Variants in CSPG5 observed in about 807,000 individuals in gnomAD.
The protein encoded by CSPG5 is acidic leucine-rich EGF-like domain-containing brain protein.
In CSPG5, 25 loss-of-function variants were observed where a neutral mutation model predicts 39.8. That is an observed-to-expected ratio of 0.63 (90% CI 0.46 to 0.88). The LOEUF (loss-of-function observed/expected upper bound fraction) is 0.88, where lower values mean the gene tolerates loss of function less well. CSPG5 is among the 40% of genes least tolerant of loss of function. The probability of loss-of-function intolerance (pLI) is 0.00; values close to 1 mark genes in which losing one functional copy is unlikely to be tolerated. For missense variants in CSPG5, 627 were observed against 702.2 expected (o/e 0.89, Z 1.21); for synonymous variants, 295 against 303.9 (o/e 0.97, Z 0.31).
intron 2 of CSPG5, among the ~76,000 whole-genome samples, chr3:47,574,892 T>A (rs1441335013): frequency 6.6e-6 from 1 of 151,950 alleles, no homozygotes; most frequent in African/African-American, 2.4e-5. Flanking sequence ...TGAGTCGAGA[T>A]TGCACCACTG....
Position 47,572,751 on chromosome 3 carries a change from C to T in CSPG5, c.1317G>A (p.Met439Ile), listed in dbSNP as rs2031570278. The change falls in exon 3 of 5, where the codon ATG becomes ATA. Residue 439 changes from methionine to isoleucine, a missense_variant. By Grantham distance (10) the Met-to-Ile change is conservative. Transcript: ENST00000264723. The surrounding 1 kb of genome is among the most constrained non-coding windows in gnomAD (Gnocchi z 4.5). ...AALVLLLLFM[M>I]TVFFAKKLYL... ...AGAGCTTCTTGGCAAAGAACACCGT[C>T]ATCATGAAGAGCAGGAGCAGGACGA... The T allele has an allele frequency of 1.2e-6, 2 of 1,614,198 alleles. No homozygotes were observed. The highest frequency in any genetic ancestry group is 1.3e-5 in the African/African-American group (1 of 75,060).
In CSPG5 at chr3:47,577,555, G is replaced by C. The variant is rs145083750; in HGVS notation, c.471C>G (p.Pro157=). Residue 157 remains proline (P), a synonymous_variant, in exon 2 of 5, where the codon CCC becomes CCG. Transcript: ENST00000264723. The surrounding 1 kb of genome is among the most constrained non-coding windows in gnomAD (Gnocchi z 4.7). ...TEASGPPSPT[P]GDKLSPASEL... Reference sequence around the variant, plus strand: ...CAGAAGCTGGGCTCAGCTTGTCGCCGGGGGTGGGGGAGGGTGGCCCGCTGG... The same window carrying C: ...CAGAAGCTGGGCTCAGCTTGTCGCCCGGGGTGGGGGAGGGTGGCCCGCTGG... 7,604 of 1,610,006 alleles carry C rather than the reference G, an allele frequency of 4.7e-3. 55 individuals carry two copies. Among genetic ancestry groups the C allele is most frequent in the Middle Eastern group, 5.0e-3 (30 of 6,048 alleles).
rs375554532 is a variant in CSPG5, at chr3:47,569,112, G to C, written c.1458+40C>G. The C allele has an allele frequency of 1.1e-5, 17 of 1,587,088 alleles. No individual in the cohort carries two copies. The East Asian group carries it at 2.8e-4, about 26-fold the overall frequency. Reference sequence around the variant, plus strand: ...TCATAGTGAGCCAAGGCACGGGCATGGGGGGAGGAGGTACGGGGAGTGTTG... The same window carrying C: ...TCATAGTGAGCCAAGGCACGGGCATCGGGGGAGGAGGTACGGGGAGTGTTG... On this transcript the variant is annotated intron_variant, in intron 4 of 4. Transcript: ENST00000264723.
rs779933497 is a variant in CSPG5, at chr3:47,577,937, G to A, written c.98-9C>T. The A allele has an allele frequency of 2.1e-6, 3 of 1,411,992 alleles. No homozygotes were observed. The highest frequency in any genetic ancestry group is 1.5e-5 in the African/African-American group (1 of 65,780). 87.5% of individuals were successfully genotyped at this position (1,411,992 alleles called of 1,614,324 possible). ...GCTGCCCGCCTCACGCGCTGCGGGC[G>A]GGAGGGCAAGGGGCGGGACGTCAGG... is the stretch of plus-strand genomic sequence containing the variant. On this transcript the variant is annotated splice_polypyrimidine_tract_variant and intron_variant, in intron 1 of 4. Transcript: ENST00000264723. This position sits in a 1 kb window ranked among gnomAD's most constrained non-coding sequence, Gnocchi z 4.7.
intron 4 of CSPG5, among the ~76,000 whole-genome samples, chr3:47,566,695 C>T (rs1357420565): frequency 2.6e-5 from 4 of 152,180 alleles, no homozygotes; most frequent in Non-Finnish European, 4.4e-5. Flanking sequence ...TAAAAAAAGG[C>T]ACCAGCCTCA....
rs764077408 is a variant in CSPG5, at chr3:47,577,299, C to T, written c.727G>A (p.Gly243Arg). The T allele has an allele frequency of 1.2e-6, 2 of 1,613,742 alleles. No individual in the cohort carries two copies. Among genetic ancestry groups the T allele is most frequent in the Admixed American group, 1.7e-5 (1 of 59,964 alleles). ...GTSENHPDTE[G>R]ETPSWSLLDL... ...AGCAGGCTCCAGGAAGGGGTCTCTC[C>T]CTCAGTATCAGGGTGGTTCTCTGAG... Residue 243 changes from glycine to arginine, a missense_variant, in exon 2 of 5, where the codon GGA becomes AGA. By Grantham distance (125) the Gly-to-Arg change is moderately radical. Coordinates refer to ENST00000264723, the MANE Select transcript of CSPG5 (RefSeq NM_006574.4). The surrounding 1 kb of genome is among the most constrained non-coding windows in gnomAD (Gnocchi z 4.7).
At chr3:47,571,813 G>T (rs373057567) in intron 3 of CSPG5, among the ~76,000 whole-genome samples, 1 of 152,122 alleles carries the variant, frequency 6.6e-6, no homozygotes, top group Non-Finnish European at 1.5e-5. Context: ...ATTGTCTCTG[G>T]GGTCCCAAGG....
intron 4 of CSPG5, among the ~76,000 whole-genome samples, chr3:47,566,869 T>G (rs977047461): frequency 1.3e-5 from 2 of 152,088 alleles, no homozygotes; most frequent in South Asian, 2.1e-4. Context: ...CCATGCTAGA[T>G]CACCACTGCC....
intron 2 of CSPG5, among the ~76,000 whole-genome samples, chr3:47,574,800 G>A (rs1272688864): frequency 2.6e-5 from 4 of 152,108 alleles, no homozygotes; most frequent in South Asian, 2.1e-4. Flanking sequence ...TTAGCTGGGC[G>A]TGGTGGCGGG....
At chr3:47,575,814 CCA>C (rs1399437821) in intron 2 of CSPG5, among the ~76,000 whole-genome samples, 3 of 152,102 alleles carry the variant, frequency 2.0e-5, no homozygotes, top group Non-Finnish European at 4.4e-5. Context: ...TGTCTTTATC[CCA>C]CAGAGTAGGT....
chr3:47,569,081 ACGT>A, intron 4 of CSPG5, 68 bp downstream of exon 4: 1 of 1,525,118 alleles, frequency 6.6e-7, no homozygotes, highest in Non-Finnish European at 8.8e-7. Flanking sequence ...CTGACAGATA[ACGT>A]TATCATAGTG....
intron 3 of CSPG5, among the ~76,000 whole-genome samples, chr3:47,571,095 T>TAAAAAAA (rs138935167): frequency 7.0e-6 from 1 of 143,076 alleles, no homozygotes. Flanking sequence ...TCAATTAAAT[T>TAAAAAAA]AAAAAAAAAA....
At chr3:47,576,772 G>A in intron 2 of CSPG5, 61 bp downstream of exon 2, 3 of 1,506,262 alleles carry the variant, frequency 2.0e-6, no homozygotes, top group Non-Finnish European at 2.7e-6. Context: ...GCTGCCCTCT[G>A]TTGAGTCGGC....
chr3:47,563,473 C>T lies in CSPG5; in HGVS notation c.1459-712G>A, dbSNP rs188419001. ...TGTAATAATCCATGTATATTGCCTA[C>T]AGCCCTGTGACAAGCTCCCTCTGAC... On this transcript the variant is annotated intron_variant, in intron 4 of 4. Transcript: ENST00000264723. Among the ~76,000 whole-genome samples, 4 of 152,336 alleles carry T rather than the reference C, an allele frequency of 2.6e-5. No individual in the cohort carries two copies. In the East Asian group the frequency reaches 5.8e-4, roughly 22 times the overall value.
At chr3:47,579,236 G>A (rs1374666540), upstream of CSPG5, 1 of 152,318 alleles carries the variant, frequency 6.6e-6, no homozygotes, top group African/African-American at 2.4e-5. The surrounding 1 kb of genome is among the most constrained non-coding windows in gnomAD (Gnocchi z 4.2). Flanking sequence ...TTACCCGCAG[G>A]GTCGGGGCGG....
At chr3:47,565,587 C>T (rs182211744) in intron 4 of CSPG5, among the ~76,000 whole-genome samples, 1 of 151,786 alleles carries the variant, frequency 6.6e-6, no homozygotes, top group African/African-American at 2.4e-5. Flanking sequence ...CAGGCCTGGC[C>T]AGAGGCAAAC....
chr3:47,574,417 A>G (rs972802465), intron 2 of CSPG5, among the ~76,000 whole-genome samples: 2 of 152,226 alleles, frequency 1.3e-5, no homozygotes, highest in African/African-American at 2.4e-5. Context: ...GGCTGAAATC[A>G]TCACTATAGT....
intron 4 of CSPG5, 86 bp downstream of exon 4, chr3:47,569,066 G>A: frequency 2.0e-6 from 3 of 1,496,156 alleles, no homozygotes; most frequent in Non-Finnish European, 2.7e-6. Flanking sequence ...AAGAAAACAA[G>A]TTACCTGACA....
intron 4 of CSPG5, among the ~76,000 whole-genome samples, chr3:47,564,072 G>A (rs936525657): frequency 2.0e-5 from 3 of 152,220 alleles, no homozygotes; most frequent in African/African-American, 7.2e-5. Flanking sequence ...GCTGATAGAA[G>A]ACAGTGTGTA....
Sources: allele counts gnomAD v4.1 joint callset (sites outside exome capture counted in the v4.1 genomes callset), GRCh38; gene constraint gnomAD v4.1.1; non-coding constraint Gnocchi (gnomAD v3.1); transcripts MANE v1.5; gene names NCBI Gene and HGNC (gene_info 2026-07-23, HGNC 2026-07-21).